The following RRN3 variants were observed in gnomAD, a reference collection of about 807,000 sequenced individuals.
RRN3 encodes the protein RNA polymerase I-specific transcription initiation factor RRN3.
A neutral mutation model predicts 82.3 loss-of-function variants in RRN3; 38 were observed. That is an observed-to-expected ratio of 0.46 (90% CI 0.36 to 0.61). The LOEUF (loss-of-function observed/expected upper bound fraction) is 0.61, where lower values mean the gene tolerates loss of function less well. Among genes scored for constraint, RRN3 ranks in the 20% least tolerant of loss-of-function variants. RRN3 has a pLI of 0.00. For synonymous variants in RRN3, 284 were observed against 284.3 expected, an observed-to-expected ratio of 1.00 and a Z score of 0.01; for missense variants, 726 against 793.1, an observed-to-expected ratio of 0.92 and a Z score of 1.02.
chr16:15,092,350 T>C (rs2151828883), intron 2 of RRN3, among the ~76,000 whole-genome samples, 159 bp downstream of exon 2: 1 of 152,288 alleles, frequency 6.6e-6, no homozygotes, highest in East Asian at 1.9e-4. Context: ...AAGGACACTA[T>C]TACTCTAATT....
intron 8 of RRN3, among the ~76,000 whole-genome samples, chr16:15,081,004 T>C (rs1482865564): frequency 6.6e-6 from 1 of 152,208 alleles, no homozygotes; most frequent in African/African-American, 2.4e-5. Context: ...AATGGAGTCA[T>C]ATAATACACA....
At chr16:15,062,496 G>A (rs897104587) in intron 17 of RRN3, among the ~76,000 whole-genome samples, 12 of 152,182 alleles carry the variant, frequency 7.9e-5, no homozygotes, top group African/African-American at 2.4e-4. Flanking sequence ...ACAGAGCAGC[G>A]AAATTCTTTA....
At chr16:15,092,248 C>A (rs2966176) in intron 2 of RRN3, among the ~76,000 whole-genome samples, 11 of 151,998 alleles carry the variant, frequency 7.2e-5, no homozygotes, top group Admixed American at 6.6e-4. Context: ...AAAGATGCTT[C>A]GTAAATAAAG....
chr16:15,078,019 G>A (rs1294969965), intron 9 of RRN3, among the ~76,000 whole-genome samples: 2 of 152,120 alleles, frequency 1.3e-5, no homozygotes, highest in African/African-American at 2.4e-5. Context: ...TGTGCATGAT[G>A]CAATATTTAT....
rs146503312 is a variant in RRN3 at position 15,067,239 on chromosome 16, C to T, written c.1553+930G>A. Among the ~76,000 whole-genome samples the T allele has an allele frequency of 4.7e-3, 711 of 151,650 alleles. 6 individuals carry two copies. Among genetic ancestry groups the T allele is most frequent in the African/African-American group, 0.016 (658 of 41,260 alleles). ...CTGTTGAAGATTTTAAGCTATGATC[C>T]GGCCTAAATATCCTCATTGAATATT... On this transcript the variant is annotated intron_variant, in intron 15 of 17. Transcript: ENST00000198767.
intron 7 of RRN3, 156 bp from the exon 8 acceptor site, chr16:15,083,738 C>T (rs933394102): frequency 5.2e-5 from 51 of 985,548 alleles, no homozygotes; most frequent in Middle Eastern, 3.5e-4. Context: ...TTTTTTGAGA[C>T]GGAGTTTCGC....
chr16:15,075,123 GC>G (rs551882028), intron 10 of RRN3, among the ~76,000 whole-genome samples: 23 of 151,772 alleles, frequency 1.5e-4, no homozygotes, highest in Admixed American at 1.1e-3. Context: ...GGTGGTGCAC[GC>G]CTGTAATTCC....
intron 12 of RRN3, among the ~76,000 whole-genome samples, chr16:15,071,523 T>C (rs1014875592): frequency 2.0e-5 from 3 of 152,098 alleles, no homozygotes; most frequent in Non-Finnish European, 4.4e-5. Flanking sequence ...ATCCCAGCAC[T>C]TTGGGAGGCC....
intron 8 of RRN3, among the ~76,000 whole-genome samples, chr16:15,081,903 G>T (rs564880799): frequency 4.6e-5 from 7 of 152,188 alleles, no homozygotes; most frequent in African/African-American, 1.7e-4. Context: ...AGCATTTGTT[G>T]AAATGACTAT....
intron 5 of RRN3, among the ~76,000 whole-genome samples, chr16:15,085,923 T>C (rs968620539): frequency 1.1e-4 from 17 of 152,136 alleles, no homozygotes; most frequent in African/African-American, 3.4e-4. Context: ...AGGAGTTCAA[T>C]AAAGCAAATA....
At position 15,094,272 on chromosome 16, in the gene RRN3, T is replaced by G. The variant is rs756873422; in HGVS notation, c.-39A>C. 4 of 1,471,510 alleles carry G rather than the reference T, an allele frequency of 2.7e-6. No individual in the cohort carries two copies. The African/African-American group carries it at 5.6e-5, about 21-fold the overall frequency. The allele number at this position is 1,471,510 out of a possible 1,614,324, so 91.2% of individuals were successfully genotyped here. The stretch of plus-strand genomic sequence containing the variant: ...CGCGACCGCTGCGCCTCAGGCCGGA[T>G]GCCCAGCTCCTTCCAGCCACAGCCT... On this transcript the variant is annotated 5_prime_UTR_variant, in exon 1 of 18. Coordinates refer to ENST00000198767, the MANE Select transcript of RRN3 (RefSeq NM_018427.5).
intron 7 of RRN3, among the ~76,000 whole-genome samples, chr16:15,084,100 A>G (rs2045816946): frequency 6.6e-6 from 1 of 152,254 alleles, no homozygotes; most frequent in Non-Finnish European, 1.5e-5. Flanking sequence ...TGATATCAAC[A>G]GCAAATCAAA....
chr16:15,093,193 C>T (rs879354707), intron 1 of RRN3, among the ~76,000 whole-genome samples: 2 of 152,102 alleles, frequency 1.3e-5, no homozygotes, highest in Non-Finnish European at 2.9e-5. Context: ...TCAGTAGAGA[C>T]GAGGTTTCGC....
In RRN3 at chr16:15,065,235, G is replaced by T; in HGVS notation, c.1690C>A (p.Pro564Thr). 6.2e-7 allele frequency: 1 copy of T among 1,613,554 alleles called. No individual in the cohort carries two copies. The highest frequency in any genetic ancestry group is 1.1e-5 in the South Asian group (1 of 91,048). ...NPLDTFFPFD[P>T]CVLKRSKKFI... is the part of the protein sequence containing the mutation. The stretch of plus-strand genomic sequence containing the variant: ...AGTACCTACCTCTTCAGCACACAGG[G>T]ATCAAAGGGGAAGAAGGTGTCCAGC... The change falls in exon 16 of 18, where the codon CCC (proline) becomes ACC (threonine). Residue 564 changes from proline (P) to threonine (T), a missense_variant. Transcript: ENST00000198767.
chr16:15,060,361 A>T lies in RRN3; in HGVS notation c.*1383T>A, dbSNP rs2044667655. 5.1e-6 allele frequency: 1 copy of T among 195,944 alleles called. No homozygotes were observed. The highest frequency in any genetic ancestry group is 2.4e-5 in the African/African-American group (1 of 42,282). The allele number at this position is 195,944 out of a possible 1,614,324, so 12.1% of individuals were successfully genotyped here. A position where few individuals can be genotyped will look rare whatever the true frequency, so the allele number is the denominator to read the frequency against. ...ATATCCAAAACTTTAAAGCAATAAA[A>T]ATTTCTATTTTCCAAAAAAGTATTT... On this transcript the variant is annotated 3_prime_UTR_variant, in exon 18 of 18. Transcript: ENST00000198767.
rs1167318120 is a variant in RRN3 at position 15,085,649 on chromosome 16, A to G, written c.522T>C (p.Asp174=). Reference sequence around the variant, plus strand: ...CCTTTTTATACTTACTATCATCTTCATCATCAGAATCTGAAACATCTACAT... The same window carrying G: ...CCTTTTTATACTTACTATCATCTTCGTCATCAGAATCTGAAACATCTACAT... The part of the protein sequence containing the change: ...EGDVDVSDSD[D]EDDNLPANFD... Residue 174 remains aspartate, a synonymous_variant, in exon 6 of 18, where the codon GAT becomes GAC. Coordinates refer to ENST00000198767, the MANE Select transcript of RRN3 (RefSeq NM_018427.5). The G allele has an allele frequency of 1.2e-6, 2 of 1,613,274 alleles. No homozygotes were observed. The highest frequency in any genetic ancestry group is 1.7e-6 in the Non-Finnish European group (2 of 1,179,624).
chr16:15,060,164 T>C lies in RRN3; in HGVS notation c.*1580A>G. The C allele has an allele frequency of 7.1e-6, 3 of 423,518 alleles. No homozygotes were observed. Among genetic ancestry groups the C allele is most frequent in the South Asian group, 5.4e-5 (3 of 55,796 alleles). The allele number at this position is 423,518 out of a possible 1,614,324, so 26.2% of individuals were successfully genotyped here. A position where few individuals can be genotyped will look rare whatever the true frequency, so the allele number is the denominator to read the frequency against. The stretch of plus-strand genomic sequence containing the variant: ...ACAGACTTATATGTAAATGTCTTTC[T>C]ACATTAAAACTACTTCCCAACCCAC... On this transcript the variant is annotated 3_prime_UTR_variant, in exon 18 of 18. Transcript: ENST00000198767.
intron 11 of RRN3, among the ~76,000 whole-genome samples, chr16:15,074,100 G>A (rs2045351510): frequency 6.6e-6 from 1 of 152,064 alleles, no homozygotes; most frequent in Admixed American, 6.6e-5. Context: ...TAGAAATGTG[G>A]CCATTTAAAT....
At chr16:15,083,115 C>T (rs1403029103) in intron 8 of RRN3, among the ~76,000 whole-genome samples, 1 of 152,144 alleles carries the variant, frequency 6.6e-6, no homozygotes, top group Non-Finnish European at 1.5e-5. Flanking sequence ...AAGAAAAAGA[C>T]CTAACATTAG....
Sources: gnomAD v4.1 joint callset for allele counts (sites outside exome capture counted in the v4.1 genomes callset) on GRCh38, gnomAD v4.1.1 for gene constraint, MANE v1.5 for transcripts, NCBI Gene and HGNC (gene_info 2026-07-23, HGNC 2026-07-21) for gene names.